ROBO1: variants seen among roughly 807,000 people sequenced by gnomAD.
ROBO1 encodes the protein roundabout guidance receptor 1.
Under a neutral mutation model 195.9 loss-of-function variants are expected in ROBO1, and 149 were observed. The observed-to-expected ratio is 0.76, with a 90% CI of 0.67 to 0.87. The LOEUF (loss-of-function observed/expected upper bound fraction) is 0.87. Ranked by LOEUF, ROBO1 falls within the 40% of genes least tolerant of loss-of-function variation. ROBO1 has a pLI of 0.00. For missense variants in ROBO1, 1,933 were observed against 2,068.3 expected, an observed-to-expected ratio of 0.93 and a Z score of 1.27; for synonymous variants, 816 against 733.2, an observed-to-expected ratio of 1.11 and a Z score of -1.82.
At chr3:78,950,569 G>A (rs1048323372) in intron 3 of ROBO1, among the ~76,000 whole-genome samples, 5 of 150,056 alleles carry the variant, frequency 3.3e-5, no homozygotes, top group East Asian at 4.0e-4. Flanking sequence ...GCTAAATGAC[G>A]AGTTAATGGG....
intron 2 of ROBO1, among the ~76,000 whole-genome samples, chr3:79,447,004 T>C (rs2039281392): frequency 6.6e-6 from 1 of 151,816 alleles, no homozygotes; most frequent in Non-Finnish European, 1.5e-5. Flanking sequence ...TTGTATTTTT[T>C]TTTTTTAGTA....
chr3:79,183,714 T>C (rs1293676710), intron 2 of ROBO1, among the ~76,000 whole-genome samples: 2 of 152,208 alleles, frequency 1.3e-5, no homozygotes, highest in Non-Finnish European at 2.9e-5. Flanking sequence ...AGAGTCTGGA[T>C]TGGGTCCAAT....
chr3:79,565,120 G>C (rs1044681008), intron 2 of ROBO1, among the ~76,000 whole-genome samples: 8 of 152,056 alleles, frequency 5.3e-5, no homozygotes, highest in African/African-American at 1.7e-4. Context: ...TTTAGAGCTT[G>C]AACTATAAAG....
Position 78,606,871 on chromosome 3 carries a change from C to T in ROBO1, c.4606G>A (p.Asp1536Asn), listed in dbSNP as rs756036592. Residue 1536 changes from aspartate to asparagine, a missense_variant, in exon 29 of 31, where the codon GAT becomes AAT. By Grantham distance (23) the Asp-to-Asn change is conservative. Around this residue, in one of 3 missense-constraint regions of ROBO1, gnomAD observed 1,737 missense variants for 1,882.5 expected, o/e 0.92. Coordinates refer to ENST00000464233, the MANE Select transcript of ROBO1 (RefSeq NM_002941.4). ...CGCATGTCAACAACCTGTCTTCCATCCAACACTTCTCTCCCCTTGTAACTG... is the reference window on the plus strand; with the variant it reads ...CGCATGTCAACAACCTGTCTTCCATTCAACACTTCTCTCCCCTTGTAACTG... ...GSSYKGREVL[D>N]GRQVVDMRTN... 59 of 1,613,780 alleles carry T rather than the reference C, an allele frequency of 3.7e-5. No homozygotes were observed. In the Middle Eastern group the frequency reaches 6.6e-4, roughly 18 times the overall value.
intron 4 of ROBO1, among the ~76,000 whole-genome samples, chr3:78,860,339 T>TTTA (rs2034754998): frequency 1.4e-5 from 2 of 145,402 alleles, no homozygotes; most frequent in Non-Finnish European, 3.0e-5. Flanking sequence ...TTTTTTTTTT[T>TTTA]ACTCATAAGG....
intron 1 of ROBO1, among the ~76,000 whole-genome samples, chr3:79,665,600 A>G (rs2106861988): frequency 6.6e-6 from 1 of 152,034 alleles, no homozygotes; most frequent in Admixed American, 6.6e-5. Context: ...TTGAGTCTGT[A>G]AAATATGATG....
chr3:78,717,506 A>G (rs2081932252), intron 6 of ROBO1, 93 bp from the exon 7 acceptor site: 2 of 1,194,204 alleles, frequency 1.7e-6, no homozygotes, highest in Non-Finnish European at 2.4e-6. Flanking sequence ...TTTTTAATTT[A>G]AAATATCAGC....
chr3:78,995,263 T>TCCTG (rs1440158627), intron 3 of ROBO1, among the ~76,000 whole-genome samples: 1 of 152,134 alleles, frequency 6.6e-6, no homozygotes, highest in African/African-American at 2.4e-5. Context: ...ATGTCCCAAA[T>TCCTG]CCTGCCTTCA....
chr3:78,939,275 G>A (rs546922730), intron 3 of ROBO1, among the ~76,000 whole-genome samples: 3 of 152,092 alleles, frequency 2.0e-5, no homozygotes, highest in East Asian at 3.9e-4. Flanking sequence ...ATAATGGCAC[G>A]GTTCCCTGGA....
At chr3:79,616,146 G>A (rs1263608047) in intron 1 of ROBO1, among the ~76,000 whole-genome samples, 2 of 152,124 alleles carry the variant, frequency 1.3e-5, no homozygotes, top group Non-Finnish European at 1.5e-5. Context: ...GAAGAGCAGA[G>A]CATCAGGTGG....
chr3:79,627,431 G>C (rs866132005), intron 1 of ROBO1, among the ~76,000 whole-genome samples: 1 of 152,118 alleles, frequency 6.6e-6, no homozygotes, highest in Non-Finnish European at 1.5e-5. Context: ...ATGGTGCTGG[G>C]AAAACTGGCT....
At chr3:78,609,427 T>C (rs866125085) in intron 28 of ROBO1, among the ~76,000 whole-genome samples, 5 of 152,178 alleles carry the variant, frequency 3.3e-5, no homozygotes, top group African/African-American at 1.2e-4. Context: ...TGGCCACACC[T>C]GGGATGACAC....
At chr3:79,090,344 A>G (rs558904521) in intron 3 of ROBO1, among the ~76,000 whole-genome samples, 6 of 152,098 alleles carry the variant, frequency 3.9e-5, no homozygotes, top group African/African-American at 1.4e-4. Flanking sequence ...AAAGACCTTC[A>G]TGTCTTAAAT....
At chr3:79,011,294 T>C (rs2077769417) in intron 3 of ROBO1, among the ~76,000 whole-genome samples, 1 of 152,194 alleles carries the variant, frequency 6.6e-6, no homozygotes, top group African/African-American at 2.4e-5. Context: ...CATGTTCTTG[T>C]ATAGGAAAGG....
Position 79,682,020 on chromosome 3 carries a change from A to G in ROBO1, c.-51+85732T>C, listed in dbSNP as rs184722593. Among the ~76,000 whole-genome samples, 449 of 152,122 alleles carry G rather than the reference A, an allele frequency of 3.0e-3. 6 individuals carry two copies. Among genetic ancestry groups the G allele is most frequent in the Non-Finnish European group, 2.1e-3 (146 of 67,916 alleles). On this transcript the variant is annotated intron_variant, in intron 1 of 30. Transcript: ENST00000464233. ...TAGGGGCTTTAATTTAGCAGAACAT[A>G]GAACAATCAAGCAAAATGTAATTTT...
At chr3:79,114,155 C>T (rs1478693777) in intron 3 of ROBO1, among the ~76,000 whole-genome samples, 1 of 152,142 alleles carries the variant, frequency 6.6e-6, no homozygotes, top group African/African-American at 2.4e-5. Flanking sequence ...CTCCCAGCCA[C>T]GTAGAACTGA....
At chr3:78,666,042 G>C (rs900737193) in intron 14 of ROBO1, among the ~76,000 whole-genome samples, 1 of 152,078 alleles carries the variant, frequency 6.6e-6, no homozygotes, top group Non-Finnish European at 1.5e-5. Flanking sequence ...TGCTGTTCTC[G>C]TGATAGTGAG....
rs185328790 is a variant in ROBO1, at chr3:79,658,568, T to C, written c.-50-68607A>G. On this transcript the variant is annotated intron_variant, in intron 1 of 30. Transcript: ENST00000464233. Reference sequence around the variant, plus strand: ...TATTTTTGACAGCTAAAGTGGTATTTATGTATTTATTTTACTTTTTTATTT... The same window carrying C: ...TATTTTTGACAGCTAAAGTGGTATTCATGTATTTATTTTACTTTTTTATTT... Among the ~76,000 whole-genome samples the C allele has an allele frequency of 3.6e-3, 555 of 152,210 alleles. 4 individuals carry two copies. Among genetic ancestry groups the C allele is most frequent in the Non-Finnish European group, 6.6e-3 (447 of 68,004 alleles).
chr3:78,814,085 G>T (rs1197675712), intron 4 of ROBO1, among the ~76,000 whole-genome samples: 1 of 151,720 alleles, frequency 6.6e-6, no homozygotes, highest in Non-Finnish European at 1.5e-5. Context: ...TAGGGTCCAG[G>T]GTGTCTTAGG....
Sources: allele counts gnomAD v4.1 joint callset (sites outside exome capture counted in the v4.1 genomes callset), GRCh38; gene constraint gnomAD v4.1.1; regional missense constraint gnomAD v4.1.1; transcripts MANE v1.5; gene names NCBI Gene and HGNC (gene_info 2026-07-23, HGNC 2026-07-21).